Variants in GRIP1 observed in about 807,000 individuals in gnomAD.
GRIP1 encodes the protein glutamate receptor-interacting protein 1.
GRIP1 carries 45 observed loss-of-function variants against 129.9 expected under a neutral mutation model. The observed-to-expected ratio is 0.35, with a 90% CI of 0.27 to 0.44. GRIP1 has a LOEUF of 0.44. Ranked by LOEUF, GRIP1 falls within the 20% of genes least tolerant of loss-of-function variation. The probability of loss-of-function intolerance (pLI) is 1.00; values close to 1 mark genes in which losing one functional copy is unlikely to be tolerated. For synonymous variants in GRIP1, 530 were observed against 520.8 expected, an observed-to-expected ratio of 1.02 and a Z score of -0.24; for missense variants, 1,196 against 1,396.8, an observed-to-expected ratio of 0.86 and a Z score of 2.29.
chr12:66,776,988 T>C (rs552035276), intron 1 of GRIP1, among the ~76,000 whole-genome samples: 1 of 152,352 alleles, frequency 6.6e-6, no homozygotes, highest in South Asian at 2.1e-4. Flanking sequence ...TTCCAGGATA[T>C]ATACACGGTC....
At chr12:67,055,692 G>A (rs569623045) in intron 1 of GRIP1, among the ~76,000 whole-genome samples, 1 of 152,298 alleles carries the variant, frequency 6.6e-6, no homozygotes, top group Admixed American at 6.5e-5. Context: ...TGAAAAACTA[G>A]TATGCACTCA....
chr12:66,951,977 T>C (rs921326001), intron 1 of GRIP1, among the ~76,000 whole-genome samples: 2 of 152,138 alleles, frequency 1.3e-5, no homozygotes, highest in African/African-American at 2.4e-5. Context: ...AGAGAAGATA[T>C]CTGAGCTGAA....
chr12:67,041,347 CAT>C (rs1449359725), intron 1 of GRIP1, among the ~76,000 whole-genome samples: 1 of 151,710 alleles, frequency 6.6e-6, no homozygotes, highest in Non-Finnish European at 1.5e-5. Flanking sequence ...TATAGACACA[CAT>C]GTATAGACAT....
chr12:67,039,018 AACACACACACACACACAC>A (rs10562551), intron 1 of GRIP1, among the ~76,000 whole-genome samples: 1 of 148,934 alleles, frequency 6.7e-6, no homozygotes, highest in Non-Finnish European at 1.5e-5. Flanking sequence ...ACAAATAATA[AACACACACACACACACAC>A]ACACACACAC....
At position 66,675,603 on chromosome 12, in the gene GRIP1, G is replaced by T. The variant is rs1345927373; in HGVS notation, c.55+3247C>A. On this transcript the variant is annotated intron_variant, in intron 1 of 24. Transcript: ENST00000359742. ...GCTGTCCCAGGTAAACAGCTGTGAA[G>T]GTAGGTGCCAAGAAGCCTAGATTTA... Among the ~76,000 whole-genome samples the T allele has an allele frequency of 5.9e-5, 9 of 152,142 alleles. 1 individual carries two copies. Among genetic ancestry groups the T allele is most frequent in the African/African-American group, 2.2e-4 (9 of 41,438 alleles).
intron 1 of GRIP1, among the ~76,000 whole-genome samples, chr12:66,919,631 T>C (rs983218611): frequency 1.5e-4 from 23 of 152,142 alleles, no homozygotes; most frequent in Non-Finnish European, 2.9e-4. Flanking sequence ...ATGACACCAA[T>C]GAAATGAAGC....
chr12:66,759,445 G>A (rs1439988959), intron 1 of GRIP1, among the ~76,000 whole-genome samples: 1 of 152,140 alleles, frequency 6.6e-6, no homozygotes, highest in Non-Finnish European at 1.5e-5. Flanking sequence ...ATGGCCTGGA[G>A]ACATCTTCCC....
intron 1 of GRIP1, among the ~76,000 whole-genome samples, chr12:66,923,894 G>A (rs574400527): frequency 2.1e-4 from 32 of 152,022 alleles, no homozygotes; most frequent in Non-Finnish European, 4.0e-4. Context: ...GTCCACGCTG[G>A]AGTGTAATGG....
intron 1 of GRIP1, among the ~76,000 whole-genome samples, chr12:66,965,371 C>T (rs1470837522): frequency 6.6e-6 from 1 of 152,026 alleles, no homozygotes; most frequent in African/African-American, 2.4e-5. Flanking sequence ...TAAAAAGATT[C>T]TGCCTTTTTG....
chr12:66,756,887 G>A (rs2037306276), intron 1 of GRIP1, among the ~76,000 whole-genome samples: 1 of 152,088 alleles, frequency 6.6e-6, no homozygotes, highest in South Asian at 2.1e-4. Context: ...ACCATGTGGT[G>A]CTAGATAACC....
chr12:66,409,593 A>G (rs969974238), intron 15 of GRIP1, among the ~76,000 whole-genome samples: 1 of 152,230 alleles, frequency 6.6e-6, no homozygotes, highest in Non-Finnish European at 1.5e-5. Flanking sequence ...CCAGACTGCA[A>G]AGACTATAAT....
intron 1 of GRIP1, among the ~76,000 whole-genome samples, chr12:66,724,713 A>G (rs1209463605): frequency 6.6e-6 from 1 of 152,178 alleles, no homozygotes; most frequent in East Asian, 1.9e-4. Context: ...GGGCACATAA[A>G]TAAAGCAACT....
At chr12:66,603,616 A>G (rs934689026) in intron 1 of GRIP1, among the ~76,000 whole-genome samples, 7 of 152,338 alleles carry the variant, frequency 4.6e-5, no homozygotes, top group Admixed American at 6.5e-5. Flanking sequence ...ACCTGTTCCA[A>G]TGTCTCACTT....
intron 11 of GRIP1, among the ~76,000 whole-genome samples, chr12:66,446,421 C>A (rs142469643): frequency 1.2e-3 from 185 of 151,688 alleles, no homozygotes; most frequent in African/African-American, 4.3e-3. Context: ...CCCCCTTTAA[C>A]TAAAACCTGA....
intron 1 of GRIP1, among the ~76,000 whole-genome samples, chr12:66,932,562 G>A (rs1340650399): frequency 6.6e-6 from 1 of 151,158 alleles, no homozygotes; most frequent in Non-Finnish European, 1.5e-5. Flanking sequence ...ACCCTGAATT[G>A]AGTCTCTTAG....
intron 1 of GRIP1, among the ~76,000 whole-genome samples, chr12:66,704,377 A>G (rs972244441): frequency 6.6e-6 from 1 of 152,026 alleles, no homozygotes; most frequent in Non-Finnish European, 1.5e-5. Flanking sequence ...AATTTTATAT[A>G]AATAAGAAAA....
At chr12:66,896,979 A>G (rs1261672493) in intron 1 of GRIP1, among the ~76,000 whole-genome samples, 6 of 152,228 alleles carry the variant, frequency 3.9e-5, no homozygotes, top group Non-Finnish European at 8.8e-5. Flanking sequence ...GCAGTGTCAC[A>G]CAGTGGTTAC....
chr12:66,599,216 T>A (rs541040732), intron 1 of GRIP1, among the ~76,000 whole-genome samples: 8 of 152,234 alleles, frequency 5.3e-5, no homozygotes, highest in Admixed American at 2.0e-4. Context: ...AATAATTATC[T>A]AGAAGCCAAA....
chr12:66,473,591 C>T (rs1184481477), intron 7 of GRIP1, among the ~76,000 whole-genome samples: 1 of 152,190 alleles, frequency 6.6e-6, no homozygotes, highest in Non-Finnish European at 1.5e-5. Flanking sequence ...CTCCAGCTGG[C>T]ATCGGGTGGG....
Sources: gnomAD v4.1 joint callset for allele counts (sites outside exome capture counted in the v4.1 genomes callset) on GRCh38, gnomAD v4.1.1 for gene constraint, MANE v1.5 for transcripts, NCBI Gene and HGNC (gene_info 2026-07-23, HGNC 2026-07-21) for gene names.